Variants in CTNNA2 observed in about 807,000 individuals in gnomAD.
CTNNA2 encodes catenin alpha 2, also known as catenin alpha-2.
In CTNNA2, 42 loss-of-function variants were observed where a neutral mutation model predicts 101.0. The observed-to-expected ratio is 0.42, with a 90% CI of 0.32 to 0.54. The LOEUF is 0.54. Ranked by LOEUF, CTNNA2 falls within the 20% of genes least tolerant of loss-of-function variation. CTNNA2 has a pLI of 0.14. For synonymous variants in CTNNA2, 450 were observed against 456.4 expected, an observed-to-expected ratio of 0.99 and a Z score of 0.18; for missense variants, 871 against 1,223.1, an observed-to-expected ratio of 0.71 and a Z score of 4.29.
chr2:79,711,999 A>G lies in CTNNA2; in HGVS notation c.103-32388A>G, dbSNP rs184359897. Among the ~76,000 whole-genome samples, 266 of 152,308 alleles carry G rather than the reference A, an allele frequency of 1.7e-3. 1 individual carries two copies. Among genetic ancestry groups the G allele is most frequent in the Non-Finnish European group, 3.1e-3 (213 of 68,022 alleles). ...GGTGGGCTACTTTTCACTCAGAGCT[A>G]TAGTTTGCCAACTACAGGATAAAAA... is the stretch of plus-strand genomic sequence containing the variant. On this transcript the variant is annotated intron_variant, in intron 2 of 18. Coordinates refer to ENST00000402739, the MANE Select transcript of CTNNA2 (RefSeq NM_001282597.3).
At chr2:80,031,567 A>C (rs1432258081) in intron 7 of CTNNA2, among the ~76,000 whole-genome samples, 2 of 152,212 alleles carry the variant, frequency 1.3e-5, no homozygotes, top group African/African-American at 2.4e-5. Context: ...GTTACCTCCC[A>C]GTGGCTCCCT....
chr2:80,462,480 C>A (rs145326911), intron 9 of CTNNA2, among the ~76,000 whole-genome samples: 4,363 of 152,064 alleles, frequency 0.029, 106 homozygotes, highest in Admixed American at 0.07. Flanking sequence ...CTGTTGTAGG[C>A]AGCATCATTT....
chr2:79,625,520 T>C (rs1679248862), intron 1 of CTNNA2, among the ~76,000 whole-genome samples: 1 of 152,192 alleles, frequency 6.6e-6, no homozygotes, highest in Admixed American at 6.5e-5. Flanking sequence ...AGCTACATGT[T>C]TGTATGCCTC....
At chr2:79,969,921 A>G (rs764929492) in intron 7 of CTNNA2, among the ~76,000 whole-genome samples, 22 of 152,230 alleles carry the variant, frequency 1.4e-4, no homozygotes, top group Non-Finnish European at 1.6e-4. Flanking sequence ...TGGAAGAGCA[A>G]GACAGCTTTG....
intron 7 of CTNNA2, among the ~76,000 whole-genome samples, chr2:80,209,040 T>A (rs1370391875): frequency 6.6e-6 from 1 of 152,120 alleles, no homozygotes; most frequent in African/African-American, 2.4e-5. Context: ...AAGGAGAATT[T>A]TAAAGTAAAT....
chr2:80,190,673 C>T (rs1706443366), intron 7 of CTNNA2, among the ~76,000 whole-genome samples: 1 of 152,104 alleles, frequency 6.6e-6, no homozygotes, highest in Non-Finnish European at 1.5e-5. Context: ...TTCTATGTGG[C>T]CCCTTGGTTT....
intron 11 of CTNNA2, among the ~76,000 whole-genome samples, chr2:80,547,917 C>A (rs1421895348): frequency 6.6e-6 from 1 of 152,076 alleles, no homozygotes; most frequent in Non-Finnish European, 1.5e-5. Context: ...GTCTCAAACT[C>A]CGGACCTCAG....
At chr2:79,704,404 A>G (rs952026595) in intron 2 of CTNNA2, among the ~76,000 whole-genome samples, 1 of 151,980 alleles carries the variant, frequency 6.6e-6, no homozygotes, top group Non-Finnish European at 1.5e-5. Context: ...TTTTTTGTGC[A>G]TATTTTCAAC....
At chr2:80,557,492 A>G (rs1693146713) in intron 12 of CTNNA2, among the ~76,000 whole-genome samples, 1 of 152,208 alleles carries the variant, frequency 6.6e-6, no homozygotes, top group East Asian at 1.9e-4. Flanking sequence ...GATATCTGAC[A>G]GAGTAACACT....
chr2:79,292,208 A>C (rs2104381663), intron 2 of CTNNA2, among the ~76,000 whole-genome samples: 1 of 152,306 alleles, frequency 6.6e-6, no homozygotes, highest in South Asian at 2.1e-4. Context: ...TCACCTCCAT[A>C]AATCATTTCT....
chr2:79,994,260 A>C (rs1233401155), intron 7 of CTNNA2, among the ~76,000 whole-genome samples: 1 of 152,158 alleles, frequency 6.6e-6, no homozygotes, highest in Non-Finnish European at 1.5e-5. Context: ...GTTCCTTAAA[A>C]CTTTGTCTTC....
chr2:79,836,636 C>T (rs557867416), intron 3 of CTNNA2, among the ~76,000 whole-genome samples: 2 of 152,332 alleles, frequency 1.3e-5, no homozygotes, highest in South Asian at 4.1e-4. Context: ...TCCCTCCTTG[C>T]TTCTTCCTAG....
intron 2 of CTNNA2, among the ~76,000 whole-genome samples, chr2:79,203,228 T>G (rs969679658): frequency 1.1e-4 from 17 of 152,200 alleles, no homozygotes; most frequent in African/African-American, 4.1e-4. Context: ...CCTGTTCATT[T>G]CTAATGAAGA....
intron 3 of CTNNA2, among the ~76,000 whole-genome samples, chr2:79,785,055 T>G (rs921785588): frequency 1.3e-5 from 2 of 152,316 alleles, no homozygotes; most frequent in South Asian, 2.1e-4. Context: ...TCTACCTCTC[T>G]GATCCAAACA....
At chr2:80,357,998 GTCT>G (rs1158197715) in intron 7 of CTNNA2, among the ~76,000 whole-genome samples, 2 of 152,096 alleles carry the variant, frequency 1.3e-5, no homozygotes, top group African/African-American at 2.4e-5. Flanking sequence ...CTAACTTCTA[GTCT>G]TCATGAAGGT....
At chr2:80,246,760 C>T (rs1218077776) in intron 7 of CTNNA2, among the ~76,000 whole-genome samples, 1 of 152,144 alleles carries the variant, frequency 6.6e-6, no homozygotes, top group African/African-American at 2.4e-5. Flanking sequence ...AAGCACTGTG[C>T]AAAGGAAAGG....
At chr2:79,972,096 C>CAA (rs1372822577) in intron 7 of CTNNA2, among the ~76,000 whole-genome samples, 1 of 152,154 alleles carries the variant, frequency 6.6e-6, no homozygotes. Flanking sequence ...CAACCAGACT[C>CAA]AGAGAGGGGA....
At chr2:79,693,374 T>C (rs1684446989) in intron 2 of CTNNA2, among the ~76,000 whole-genome samples, 1 of 151,948 alleles carries the variant, frequency 6.6e-6, no homozygotes, top group African/African-American at 2.4e-5. Flanking sequence ...AGAATTGATG[T>C]TTATGTCCCT....
chr2:79,757,956 C>G (rs72824507), intron 3 of CTNNA2, among the ~76,000 whole-genome samples: 8 of 152,316 alleles, frequency 5.3e-5, no homozygotes, highest in Non-Finnish European at 1.2e-4. Flanking sequence ...TTATTGCTAA[C>G]GTCATTGTTA....
Sources: allele counts gnomAD v4.1 joint callset (sites outside exome capture counted in the v4.1 genomes callset), GRCh38; gene constraint gnomAD v4.1.1; transcripts MANE v1.5; gene names NCBI Gene and HGNC (gene_info 2026-07-23, HGNC 2026-07-21).